The following RABGAP1L variants were observed in gnomAD, a reference collection of about 807,000 sequenced individuals.
RABGAP1L encodes the protein RAB GTPase activating protein 1 like.
Under a neutral mutation model 137.7 loss-of-function variants are expected in RABGAP1L, and 63 were observed. The observed-to-expected ratio is 0.46, with a 90% confidence interval of 0.37 to 0.56. RABGAP1L has a LOEUF of 0.56. Among genes scored for constraint, RABGAP1L ranks in the 20% least tolerant of loss-of-function variants. The pLI, the probability that RABGAP1L is intolerant of heterozygous loss-of-function variation, is 0.00. For synonymous variants in RABGAP1L, 431 were observed against 433.7 expected, an observed-to-expected ratio of 0.99 and a Z score of 0.08; for missense variants, 1,095 against 1,244.0, an observed-to-expected ratio of 0.88 and a Z score of 1.80.
intron 13 of RABGAP1L, among the ~76,000 whole-genome samples, chr1:174,483,481 T>C (rs1227835400): frequency 6.6e-6 from 1 of 152,248 alleles, no homozygotes; most frequent in Non-Finnish European, 1.5e-5. Flanking sequence ...TTATTTTTTA[T>C]GGCTGAATAG....
intron 13 of RABGAP1L, among the ~76,000 whole-genome samples, chr1:174,524,850 C>T (rs1009170933): frequency 6.8e-6 from 1 of 147,270 alleles, no homozygotes; most frequent in South Asian, 2.1e-4. Flanking sequence ...CAGTTTCATT[C>T]TTTGGCATAT....
At chr1:174,662,456 G>A (rs538060180) in intron 14 of RABGAP1L, among the ~76,000 whole-genome samples, 10 of 151,514 alleles carry the variant, frequency 6.6e-5, no homozygotes, top group East Asian at 1.9e-4. Flanking sequence ...GCACTCTGTC[G>A]CCCAGGCTGG....
At chr1:174,385,820 C>G (rs77267208) in intron 12 of RABGAP1L, among the ~76,000 whole-genome samples, 3,069 of 152,254 alleles carry the variant, frequency 0.02, 108 homozygotes, top group African/African-American at 0.071. Flanking sequence ...ATCTTAAGAA[C>G]AGTTTCAATG....
intron 19 of RABGAP1L, among the ~76,000 whole-genome samples, chr1:174,936,414 G>A (rs1664800870): frequency 6.6e-6 from 1 of 152,062 alleles, no homozygotes; most frequent in South Asian, 2.1e-4. Flanking sequence ...ACCAGCCTGG[G>A]CAACATGGCG....
At chr1:174,666,085 T>C (rs1341084770) in intron 14 of RABGAP1L, among the ~76,000 whole-genome samples, 2 of 152,242 alleles carry the variant, frequency 1.3e-5, no homozygotes, top group Non-Finnish European at 2.9e-5. Flanking sequence ...AATTAGGCTT[T>C]CCTTGGTATC....
At chr1:174,892,569 C>G in intron 19 of RABGAP1L, 1 of 529,424 alleles carries the variant, frequency 1.9e-6, no homozygotes, top group Non-Finnish European at 3.8e-6. Flanking sequence ...GAATGGAACT[C>G]AAGGGTGGTA....
At chr1:174,576,262 G>T (rs950803057) in intron 13 of RABGAP1L, among the ~76,000 whole-genome samples, 1 of 152,114 alleles carries the variant, frequency 6.6e-6, no homozygotes, top group African/African-American at 2.4e-5. Flanking sequence ...GCAAGATGAG[G>T]GCATTTATAG....
At chr1:174,438,777 T>TATATATATATATAG (rs1653778494) in intron 13 of RABGAP1L, among the ~76,000 whole-genome samples, 1 of 141,768 alleles carries the variant, frequency 7.1e-6, no homozygotes, top group Non-Finnish European at 1.5e-5. Flanking sequence ...TATATATATA[T>TATATATATATATAG]GACTTTTTAA....
intron 12 of RABGAP1L, among the ~76,000 whole-genome samples, chr1:174,377,461 C>T (rs1002792991): frequency 6.6e-5 from 10 of 152,124 alleles, no homozygotes; most frequent in African/African-American, 2.4e-4. Context: ...TACTGTAGCA[C>T]TACAGTAGTC....
In RABGAP1L at chr1:174,988,780, T is replaced by C. The variant is rs1390863688; in HGVS notation, c.2945T>C (p.Met982Thr). ...KDSLKKQLRE[M>T]ELELAQTKLQ... is the part of the protein sequence containing the mutation. The stretch of plus-strand genomic sequence containing the variant: ...TCACTTAAGAAGCAGCTGAGAGAGA[T>C]GGAACTGGAACTGGCACAAACCAAA... Residue 982 changes from methionine to threonine, a missense_variant, in exon 25 of 26, where the codon ATG becomes ACG. Met to Thr is a moderately conservative substitution (Grantham distance 81). Around this residue, in one of 4 missense-constraint regions of RABGAP1L, gnomAD observed 312 missense variants for 435.6 expected, o/e 0.72. Coordinates refer to ENST00000681986, the MANE Select transcript of RABGAP1L (RefSeq NM_001366446.1). 6.5e-7 allele frequency: 1 copy of C among 1,549,446 alleles called. No homozygotes were observed. Among genetic ancestry groups the C allele is most frequent in the Admixed American group, 2.0e-5 (1 of 50,732 alleles).
intron 19 of RABGAP1L, among the ~76,000 whole-genome samples, chr1:174,859,048 T>A (rs565685601): frequency 6.6e-6 from 1 of 152,286 alleles, no homozygotes; most frequent in African/African-American, 2.4e-5. Context: ...GACCCAGCAA[T>A]CCCTTTAGTG....
At chr1:174,564,196 C>T (rs1225633987) in intron 13 of RABGAP1L, among the ~76,000 whole-genome samples, 2 of 152,118 alleles carry the variant, frequency 1.3e-5, no homozygotes, top group African/African-American at 2.4e-5. Context: ...TAACAGTTAT[C>T]GTTTCCTTAT....
chr1:174,934,409 AT>A (rs1664384210), intron 19 of RABGAP1L, among the ~76,000 whole-genome samples: 1 of 152,056 alleles, frequency 6.6e-6, no homozygotes, highest in South Asian at 2.1e-4. Context: ...GTTTTTACTT[AT>A]TTTAAGCTCA....
chr1:174,289,350 A>G (rs1286795964), intron 10 of RABGAP1L, among the ~76,000 whole-genome samples: 2 of 152,208 alleles, frequency 1.3e-5, no homozygotes, highest in African/African-American at 4.8e-5. Context: ...CTGGATTTTA[A>G]AAATGGTTTT....
chr1:174,168,641 C>T (rs1188962720), intron 1 of RABGAP1L, among the ~76,000 whole-genome samples: 3 of 152,162 alleles, frequency 2.0e-5, no homozygotes, highest in African/African-American at 7.2e-5. Flanking sequence ...GTCTTCTTCT[C>T]TCCATTCCTT....
chr1:174,891,115 A>G (rs1656069521), intron 19 of RABGAP1L, among the ~76,000 whole-genome samples: 2 of 152,248 alleles, frequency 1.3e-5, no homozygotes, highest in Non-Finnish European at 2.9e-5. Flanking sequence ...ATCTGTGCCT[A>G]TTTAAAGGTG....
intron 13 of RABGAP1L, among the ~76,000 whole-genome samples, chr1:174,470,548 C>T (rs1657798565): frequency 6.6e-6 from 1 of 152,126 alleles, no homozygotes; most frequent in African/African-American, 2.4e-5. Context: ...AGGTGGATCA[C>T]CTGAGGTCAG....
At chr1:174,755,748 G>T (rs1684698643) in intron 18 of RABGAP1L, among the ~76,000 whole-genome samples, 1 of 151,708 alleles carries the variant, frequency 6.6e-6, no homozygotes, top group African/African-American at 2.4e-5. Context: ...TTTGAGATAA[G>T]ATGGGAAAGT....
At chr1:174,574,979 G>C (rs918355106) in intron 13 of RABGAP1L, among the ~76,000 whole-genome samples, 17 of 152,178 alleles carry the variant, frequency 1.1e-4, no homozygotes, top group African/African-American at 3.9e-4. Flanking sequence ...TGCCCAGACT[G>C]GAGTGCAATG....
Sources: gnomAD v4.1 joint callset for allele counts (sites outside exome capture counted in the v4.1 genomes callset) on GRCh38, gnomAD v4.1.1 for gene constraint, gnomAD v4.1.1 regional missense constraint, MANE v1.5 for transcripts, NCBI Gene and HGNC (gene_info 2026-07-23, HGNC 2026-07-21) for gene names.